The following OSBPL1A variants were observed in gnomAD, a reference collection of about 807,000 sequenced individuals.
OSBPL1A encodes oxysterol binding protein like 1A.
In OSBPL1A, 80 loss-of-function variants were observed where a neutral mutation model predicts 137.1. That is an observed-to-expected ratio of 0.58 (90% CI 0.49 to 0.70). The LOEUF (loss-of-function observed/expected upper bound fraction) is 0.70. OSBPL1A is among the 30% of genes least tolerant of loss of function. The pLI is 0.00. For missense variants in OSBPL1A, 970 were observed against 1,129.4 expected (o/e 0.86, Z 2.02); for synonymous variants, 365 against 389.7 (o/e 0.94, Z 0.75).
At chr18:24,359,205 G>A (rs1014208268) in intron 4 of OSBPL1A, among the ~76,000 whole-genome samples, 5 of 152,006 alleles carry the variant, frequency 3.3e-5, no homozygotes, top group African/African-American at 7.3e-5. Context: ...GCGACAGAGC[G>A]AGACCCTGTC....
intron 15 of OSBPL1A, among the ~76,000 whole-genome samples, chr18:24,239,744 T>C (rs1052491485): frequency 3.3e-5 from 5 of 152,176 alleles, no homozygotes; most frequent in African/African-American, 1.2e-4. Context: ...AAAAAACAGT[T>C]TCAGCAAGTC....
chr18:24,373,948 T>C (rs1210977088), intron 2 of OSBPL1A, among the ~76,000 whole-genome samples: 5 of 152,200 alleles, frequency 3.3e-5, no homozygotes, highest in Admixed American at 3.3e-4. Flanking sequence ...AATATTAACA[T>C]ATTTCTCAGC....
intron 17 of OSBPL1A, among the ~76,000 whole-genome samples, chr18:24,204,763 C>T (rs1360201632): frequency 6.6e-6 from 1 of 152,068 alleles, no homozygotes; most frequent in Admixed American, 6.6e-5. Flanking sequence ...GGCCCTATTC[C>T]CTTTCTCCTA....
chr18:24,238,621 G>A (rs1417630820), intron 16 of OSBPL1A, among the ~76,000 whole-genome samples: 1 of 152,154 alleles, frequency 6.6e-6, no homozygotes, highest in African/African-American at 2.4e-5. Flanking sequence ...GAAGAGAGAG[G>A]TCATGGAACA....
At chr18:24,360,758 G>C (rs1310995992) in intron 4 of OSBPL1A, among the ~76,000 whole-genome samples, 2 of 152,078 alleles carry the variant, frequency 1.3e-5, no homozygotes, top group African/African-American at 4.8e-5. Flanking sequence ...CTAAAGATGT[G>C]CATAGCAAGT....
chr18:24,265,894 G>A (rs139650272), intron 15 of OSBPL1A, among the ~76,000 whole-genome samples: 382 of 152,232 alleles, frequency 2.5e-3, no homozygotes, highest in African/African-American at 8.1e-3. Flanking sequence ...GCTTCCCATC[G>A]GGGTTTCTCT....
chr18:24,332,191 C>T (rs1038270057), intron 7 of OSBPL1A, among the ~76,000 whole-genome samples: 3 of 151,676 alleles, frequency 2.0e-5, no homozygotes, highest in East Asian at 1.9e-4. Context: ...GCCTGGCCAA[C>T]ATGGTGAAAC....
chr18:24,232,003 A>G (rs953765131), intron 16 of OSBPL1A, among the ~76,000 whole-genome samples: 3 of 152,204 alleles, frequency 2.0e-5, no homozygotes, highest in African/African-American at 7.2e-5. Context: ...CCTGTTACTG[A>G]AGGTAACAGA....
intron 16 of OSBPL1A, among the ~76,000 whole-genome samples, chr18:24,238,659 AC>A (rs1261076436): frequency 4.6e-5 from 7 of 152,224 alleles, no homozygotes; most frequent in Admixed American, 4.6e-4. Context: ...CTGGCTAGTG[AC>A]AGAAGCTCTG....
Position 24,298,802 on chromosome 18 carries a change from T to A in OSBPL1A, c.1174+4835A>T, listed in dbSNP as rs2090344610. ...TTTCTTTGTTGACTTTCTGTCTTGATCTGCCTAGTGCTGTCAGTGGAGGAA... is the reference window on the plus strand; with the variant it reads ...TTTCTTTGTTGACTTTCTGTCTTGAACTGCCTAGTGCTGTCAGTGGAGGAA... On this transcript the variant is annotated intron_variant, in intron 14 of 27. Transcript: ENST00000319481. Among the ~76,000 whole-genome samples, 3 of 152,214 alleles carry A rather than the reference T, an allele frequency of 2.0e-5. No homozygotes were observed. The South Asian group carries it at 6.2e-4, about 32-fold the overall frequency.
At chr18:24,375,135 CAA>C (rs1905996231) in intron 2 of OSBPL1A, among the ~76,000 whole-genome samples, 1 of 151,806 alleles carries the variant, frequency 6.6e-6, no homozygotes, top group Non-Finnish European at 1.5e-5. Flanking sequence ...GGGAACACAG[CAA>C]GATCCCGTTT....
Position 24,271,724 on chromosome 18 carries a change from G to C in OSBPL1A, c.1281+9118C>G, listed in dbSNP as rs949838408. On this transcript the variant is annotated intron_variant, in intron 15 of 27. Coordinates refer to ENST00000319481, the MANE Select transcript of OSBPL1A (RefSeq NM_080597.4). This position sits in a 1 kb window ranked among gnomAD's most constrained non-coding sequence, Gnocchi z 4.0. ...CTGCTCCTCCTCCTCCCCTCCAGTC[G>C]AGCCGAGGCGAGCCGATCCGGGAGG... The C allele has an allele frequency of 8.1e-6, 8 of 985,146 alleles. No homozygotes were observed. Among genetic ancestry groups the C allele is most frequent in the Non-Finnish European group, 8.4e-6 (7 of 829,808 alleles). 61.0% of individuals were successfully genotyped at this position (985,146 alleles called of 1,614,324 possible).
chr18:24,310,376 CAGG>C (rs1381004756), intron 13 of OSBPL1A, among the ~76,000 whole-genome samples: 4 of 138,780 alleles, frequency 2.9e-5, no homozygotes, highest in South Asian at 2.2e-4. Flanking sequence ...ATCACAAGGT[CAGG>C]AGATCAAGAT....
At chr18:24,314,386 C>T (rs1237770037) in intron 11 of OSBPL1A, 39 bp from the exon 12 acceptor site, 1 of 1,401,924 alleles carries the variant, frequency 7.1e-7, no homozygotes, top group South Asian at 1.3e-5. Context: ...CATTCATTCA[C>T]ATAAAAGAGG....
At chr18:24,367,930 C>CTTT (rs72420348) in intron 3 of OSBPL1A, 15 of 159,750 alleles carry the variant, frequency 9.4e-5, no homozygotes, top group African/African-American at 3.6e-4. Flanking sequence ...ATTGTTTTTT[C>CTTT]TTTTTAATTT....
In OSBPL1A at chr18:24,257,856, G is replaced by A. The variant is rs191998383; in HGVS notation, c.1282-18474C>T. Reference sequence around the variant, plus strand: ...ATATTTCTCAAAAGACATACAAATGGAAAACAGGCATATGAAAAGGCGCTC... The same window carrying A: ...ATATTTCTCAAAAGACATACAAATGAAAAACAGGCATATGAAAAGGCGCTC... On this transcript the variant is annotated intron_variant, in intron 15 of 27. Coordinates refer to ENST00000319481, the MANE Select transcript of OSBPL1A (RefSeq NM_080597.4). Among the ~76,000 whole-genome samples the A allele has an allele frequency of 2.0e-3, 298 of 152,222 alleles. 2 individuals carry two copies. The highest frequency in any genetic ancestry group is 3.3e-3 in the Non-Finnish European group (226 of 67,996).
chr18:24,181,511 G>A (rs2086603718), intron 18 of OSBPL1A, among the ~76,000 whole-genome samples: 1 of 152,112 alleles, frequency 6.6e-6, no homozygotes, highest in Non-Finnish European at 1.5e-5. Flanking sequence ...CATTCTCCTT[G>A]GCTCCAGGGA....
At chr18:24,189,674 G>A (rs749647788) in intron 18 of OSBPL1A, among the ~76,000 whole-genome samples, 13 of 152,176 alleles carry the variant, frequency 8.5e-5, no homozygotes, top group Non-Finnish European at 1.5e-5. Flanking sequence ...TCCACACGAT[G>A]CCTAGCATCT....
intron 7 of OSBPL1A, among the ~76,000 whole-genome samples, chr18:24,321,480 T>A (rs573173808): frequency 1.3e-5 from 2 of 152,296 alleles, no homozygotes; most frequent in South Asian, 4.1e-4. Context: ...TATTTTTTTG[T>A]AGGAATGGGG....
Sources: gnomAD v4.1 joint callset for allele counts (sites outside exome capture counted in the v4.1 genomes callset) on GRCh38, gnomAD v4.1.1 for gene constraint, Gnocchi (gnomAD v3.1) non-coding constraint, MANE v1.5 for transcripts, NCBI Gene and HGNC (gene_info 2026-07-23, HGNC 2026-07-21) for gene names.